Variants in WDFY4 observed in about 807,000 individuals in gnomAD.
WDFY4 encodes WD repeat- and FYVE domain-containing protein 4.
WDFY4 carries 169 observed loss-of-function variants against 351.9 expected under a neutral mutation model. The ratio of observed to expected loss-of-function variants is 0.48; its 90% CI spans 0.42 to 0.55. The LOEUF (loss-of-function observed/expected upper bound fraction) is 0.55. Among genes scored for constraint, WDFY4 ranks in the 20% least tolerant of loss-of-function variants. The pLI is 0.00. For synonymous variants in WDFY4, 1,622 were observed against 1,574.6 expected (o/e 1.03, Z -0.71); for missense variants, 3,803 against 3,935.6 (o/e 0.97, Z 0.90).
chr10:48,767,741 A>G (rs968530953), intron 13 of WDFY4, among the ~76,000 whole-genome samples: 7 of 152,232 alleles, frequency 4.6e-5, no homozygotes, highest in Non-Finnish European at 8.8e-5. Flanking sequence ...CTAGGTGGGG[A>G]AGGACAGAAG....
chr10:48,913,645 T>C, intron 47 of WDFY4: 1 of 1,613,904 alleles, frequency 6.2e-7, no homozygotes, highest in Non-Finnish European at 8.5e-7. Flanking sequence ...ATGTTGAGCT[T>C]TTTCAGCTTG....
intron 12 of WDFY4, among the ~76,000 whole-genome samples, chr10:48,746,438 G>A (rs35726428): frequency 1.3e-4 from 19 of 151,882 alleles, no homozygotes; most frequent in Non-Finnish European, 2.5e-4. Context: ...TCTGTGTACT[G>A]TCCTTACATT....
rs572722259 is a variant in WDFY4, at chr10:48,920,576, A to G, written c.7586+18713A>G. 5.1e-4 allele frequency among the ~76,000 whole-genome samples: 78 copies of G among 152,370 alleles called. 2 individuals carry two copies. The South Asian group carries it at 0.015, about 30-fold the overall frequency. ...GAGCTAGTATCATACTTCGTGAAGG[A>G]CAGAAGGTTCTTCTCTGAAGTTTGG... On this transcript the variant is annotated intron_variant, in intron 47 of 61. Transcript: ENST00000325239.
chr10:48,806,433 C>T (rs1427063487), intron 27 of WDFY4, among the ~76,000 whole-genome samples: 1 of 152,176 alleles, frequency 6.6e-6, no homozygotes, highest in Non-Finnish European at 1.5e-5. Context: ...CCAACTCCAG[C>T]AGTGAAGCAC....
At chr10:48,822,564 C>T in intron 35 of WDFY4, 27 bp downstream of exon 35, 6 of 1,485,918 alleles carry the variant, frequency 4.0e-6, no homozygotes, top group Non-Finnish European at 5.4e-6. Flanking sequence ...GACCGGGTAT[C>T]TGTGTGGATC....
intron 7 of WDFY4, among the ~76,000 whole-genome samples, chr10:48,728,640 C>T (rs115216934): frequency 6.7e-4 from 102 of 152,358 alleles, no homozygotes; most frequent in African/African-American, 2.3e-3. Flanking sequence ...GATTAAATGG[C>T]AATACCCTAG....
rs1249966110 is a variant in WDFY4 at position 48,970,184 on chromosome 10, G to A, written c.8823G>A (p.Val2941=). Residue 2941 remains valine (V), a synonymous_variant, in exon 57 of 62, where the codon GTG becomes GTA. Transcript: ENST00000325239. The part of the protein sequence containing the change: ...LAAWGRCLCA[V]CPSPTTIVTS... ...CCTGGGGCCGCTGTCTGTGCGCCGT[G>A]TGCCCATCCCCAACAACGATTGTCA... is the stretch of plus-strand genomic sequence containing the variant. The A allele has an allele frequency of 4.5e-6, 7 of 1,551,588 alleles. No individual in the cohort carries two copies. Among genetic ancestry groups the A allele is most frequent in the Admixed American group, 2.0e-5 (1 of 50,988 alleles).
At chr10:48,955,132 A>G (rs1351409024) in intron 51 of WDFY4, among the ~76,000 whole-genome samples, 1 of 152,220 alleles carries the variant, frequency 6.6e-6, no homozygotes, top group Non-Finnish European at 1.5e-5. Flanking sequence ...TTAAATATAC[A>G]ATGCTCCTAA....
intron 41 of WDFY4, among the ~76,000 whole-genome samples, chr10:48,874,602 G>A (rs2069920189): frequency 6.6e-6 from 1 of 152,182 alleles, no homozygotes; most frequent in Non-Finnish European, 1.5e-5. Context: ...TAAACATTTG[G>A]TGGTGTGTAG....
rs1206154453 is a variant in WDFY4, at chr10:48,787,858, T to TTCTTCTTCTTC, written c.3809-671_3809-670insCTTCTTCTTCT. ...CTTCTTCTTCTTCTTCTTCTTCTTC[T>TTCTTCTTCTTC]TTCTTCTTCTTTCTTCTTTCTTTCT... On this transcript the variant is annotated intron_variant, in intron 20 of 61. Coordinates refer to ENST00000325239, the MANE Select transcript of WDFY4 (RefSeq NM_001394531.1). 2.1e-4 allele frequency among the ~76,000 whole-genome samples: 14 copies of TTCTTCTTCTTC among 66,058 alleles called. 1 individual carries two copies. The highest frequency in any genetic ancestry group is 8.8e-4 in the African/African-American group (9 of 10,238). The allele number at this position is 66,058 out of a possible 152,430, so 43.3% of individuals were successfully genotyped here.
intron 39 of WDFY4, among the ~76,000 whole-genome samples, chr10:48,851,903 G>A (rs918213451): frequency 2.0e-5 from 3 of 152,360 alleles, no homozygotes; most frequent in South Asian, 4.1e-4. Context: ...GGAGGCACTG[G>A]GAGAGCAGGG....
intron 47 of WDFY4, among the ~76,000 whole-genome samples, chr10:48,940,763 C>A (rs1438617954): frequency 1.3e-5 from 2 of 151,986 alleles, no homozygotes; most frequent in Non-Finnish European, 2.9e-5. Flanking sequence ...CAAAGGGGCA[C>A]CTTGGAGGCT....
rs938698111 is a variant in WDFY4 at position 48,938,949 on chromosome 10, G to A, written c.7587-2857G>A. On this transcript the variant is annotated intron_variant, in intron 47 of 61. Transcript: ENST00000325239. ...GCTAGGCCCAATAAGGCCAGGCCGG[G>A]TAACCGCCACAATCCTCACTGGCTT... 2.0e-5 allele frequency among the ~76,000 whole-genome samples: 3 copies of A among 152,296 alleles called. No individual in the cohort carries two copies. In the South Asian group the frequency reaches 6.2e-4, roughly 32 times the overall value.
intron 40 of WDFY4, among the ~76,000 whole-genome samples, chr10:48,867,856 T>C (rs1398663050): frequency 6.6e-6 from 1 of 152,188 alleles, no homozygotes; most frequent in Non-Finnish European, 1.5e-5. Flanking sequence ...CTTAAAACCC[T>C]GTTGAATATA....
intron 48 of WDFY4, among the ~76,000 whole-genome samples, chr10:48,942,760 G>A (rs998711191): frequency 6.6e-6 from 1 of 152,166 alleles, no homozygotes; most frequent in Non-Finnish European, 1.5e-5. Flanking sequence ...CTCATTCAGC[G>A]GCCTTGGTGG....
intron 39 of WDFY4, among the ~76,000 whole-genome samples, chr10:48,858,735 G>A (rs114077888): frequency 0.016 from 2,429 of 152,226 alleles, 68 homozygotes; most frequent in African/African-American, 0.053. Context: ...TCTGTATCTA[G>A]AAAAAGCCTT....
In WDFY4 at chr10:48,774,915, A is replaced by C. The variant is rs537248046; in HGVS notation, c.2768+243A>C. Among the ~76,000 whole-genome samples, 3 of 148,196 alleles carry C rather than the reference A, an allele frequency of 2.0e-5. No individual in the cohort carries two copies. The East Asian group carries it at 6.2e-4, about 31-fold the overall frequency. ...TGGGGGCTGGAGGGGGCTCCAAGGAAGTGGAGCTGCATTCCGAGGCCTGTA... is the reference window on the plus strand; with the variant it reads ...TGGGGGCTGGAGGGGGCTCCAAGGACGTGGAGCTGCATTCCGAGGCCTGTA... On this transcript the variant is annotated intron_variant, in intron 14 of 61. Coordinates refer to ENST00000325239, the MANE Select transcript of WDFY4 (RefSeq NM_001394531.1).
chr10:48,859,554 T>A (rs1024683068), intron 39 of WDFY4, among the ~76,000 whole-genome samples: 3 of 152,334 alleles, frequency 2.0e-5, no homozygotes, highest in South Asian at 4.1e-4. Context: ...AGATTTGCAT[T>A]CCTGGAATAA....
chr10:48,941,725 G>A (rs1840774780), intron 47 of WDFY4, 81 bp from the exon 48 acceptor site: 1 of 1,456,498 alleles, frequency 6.9e-7, no homozygotes, highest in Non-Finnish European at 9.4e-7. Flanking sequence ...GTCCCGTGAA[G>A]CCCAGGCAAG....
Sources: allele counts gnomAD v4.1 joint callset (sites outside exome capture counted in the v4.1 genomes callset), GRCh38; gene constraint gnomAD v4.1.1; transcripts MANE v1.5; gene names NCBI Gene and HGNC (gene_info 2026-07-23, HGNC 2026-07-21).